The following TMEM41A variants were observed in gnomAD, a reference collection of about 807,000 sequenced individuals.
TMEM41A encodes the protein transmembrane protein 41A.
In TMEM41A, 20 loss-of-function variants were observed where a neutral mutation model predicts 25.7. That is an observed-to-expected ratio of 0.78 (90% confidence interval 0.55 to 1.13). The LOEUF (loss-of-function observed/expected upper bound fraction) is 1.13, where lower values mean the gene tolerates loss of function less well. Ranked by LOEUF, TMEM41A falls within the 50% of genes most tolerant of loss-of-function variation. The pLI is 0.00. For missense variants in TMEM41A, 299 were observed against 314.3 expected, an observed-to-expected ratio of 0.95 and a Z score of 0.37; for synonymous variants, 133 against 139.6, an observed-to-expected ratio of 0.95 and a Z score of 0.33.
chr3:185,491,826 T>A, intron 4 of TMEM41A, 69 bp from the exon 5 acceptor site: 1 of 1,223,458 alleles, frequency 8.2e-7, no homozygotes, highest in Non-Finnish European at 1.1e-6. Flanking sequence ...TAATTCAGAA[T>A]GTCACCAGGA....
intron 2 of TMEM41A, chr3:185,496,577 C>T: frequency 1.8e-6 from 1 of 541,688 alleles, no homozygotes; most frequent in Non-Finnish European, 3.3e-6. Context: ...ACTGTTTGAG[C>T]AGGTCCAGCC....
At position 185,494,625 on chromosome 3, in the gene TMEM41A, A is replaced by G; in HGVS notation, c.572T>C (p.Ile191Thr). ...AACCTACCCCACTAGCATCTTACCG[A>G]TAAGAACTGAGAAGAAGAACTGCAC... ...PIVQFFFSVL[I>T]GLIPYNFICV... Residue 191 changes from isoleucine (I) to threonine (T), a missense_variant and splice_region_variant, in exon 4 of 5, where the codon ATC (isoleucine) becomes ACC (threonine). By Grantham distance (89) the Ile-to-Thr change is moderately conservative. Coordinates refer to ENST00000421852, the MANE Select transcript of TMEM41A (RefSeq NM_080652.4). The G allele has an allele frequency of 1.3e-6, 2 of 1,597,656 alleles. No individual in the cohort carries two copies. The highest frequency in any genetic ancestry group is 1.4e-5 in the African/African-American group (1 of 73,984).
chr3:185,498,824 C>G lies in TMEM41A; in HGVS notation c.119+19G>C, dbSNP rs1446173319. 6.4e-7 allele frequency: 1 copy of G among 1,566,942 alleles called. No homozygotes were observed. Among genetic ancestry groups the G allele is most frequent in the African/African-American group, 1.4e-5 (1 of 71,630 alleles). On this transcript the variant is annotated intron_variant, in intron 1 of 4. Transcript: ENST00000421852. ...CCGGCTCCCTTCCTCTGACCCGAAC[C>G]CGGATTCCCGCCACGCACCTGCCTC...
rs551634374 is a variant in TMEM41A at position 185,494,675 on chromosome 3, C to T, written c.522G>A (p.Ser174=). Residue 174 remains serine, a synonymous_variant, in exon 4 of 5, where the codon TCG becomes TCA. Coordinates refer to ENST00000421852, the MANE Select transcript of TMEM41A (RefSeq NM_080652.4). ...CGATGGGAATGTTCAGAATTGGGGCCGAGAGGTTCAAGAACCAGTTTGGTG... is the reference window on the plus strand; with the variant it reads ...CGATGGGAATGTTCAGAATTGGGGCTGAGAGGTTCAAGAACCAGTTTGGTG... ...PMTPNWFLNL[S]APILNIPIVQ... is the part of the protein sequence containing the mutation. The T allele has an allele frequency of 9.7e-5, 156 of 1,611,904 alleles. 2 individuals carry two copies. The South Asian group carries it at 1.1e-3, about 12-fold the overall frequency.
chr3:185,495,302 C>G lies in TMEM41A; in HGVS notation c.287G>C (p.Gly96Ala). Residue 96 changes from glycine to alanine, a missense_variant, in exon 3 of 5, where the codon GGT becomes GCT. Coordinates refer to ENST00000421852, the MANE Select transcript of TMEM41A (RefSeq NM_080652.4). The part of the protein sequence containing the change: ...PGSSFLNVLA[G>A]ALFGPWLGLL... Reference sequence around the variant, plus strand: ...CCCCAGCCATGGCCCAAACAAGGCACCAGCTAAAACATTCTGCAAATAAAA... The same window carrying G: ...CCCCAGCCATGGCCCAAACAAGGCAGCAGCTAAAACATTCTGCAAATAAAA... 4 of 1,613,664 alleles carry G rather than the reference C, an allele frequency of 2.5e-6. No homozygotes were observed. The highest frequency in any genetic ancestry group is 3.4e-6 in the Non-Finnish European group (4 of 1,179,966).
At chr3:185,494,046 T>C (rs1719031533) in intron 4 of TMEM41A, 1 of 152,224 alleles carries the variant, frequency 6.6e-6, no homozygotes, top group African/African-American at 2.4e-5. Context: ...AACAATCTGA[T>C]GAAGGTGGCC....
intron 4 of TMEM41A, chr3:185,492,527 C>T (rs552893973): frequency 6.6e-6 from 1 of 152,320 alleles, no homozygotes; most frequent in Admixed American, 6.5e-5. Flanking sequence ...ACATTCTGTA[C>T]TGTCTCAAAG....
chr3:185,494,770 A>C lies in TMEM41A; in HGVS notation c.436-9T>G. The C allele has an allele frequency of 1.3e-6, 2 of 1,594,964 alleles. No individual in the cohort carries two copies. Among genetic ancestry groups the C allele is most frequent in the Non-Finnish European group, 1.7e-6 (2 of 1,173,442 alleles). ...TTTCTGTTCTCCTCCACCTGTAGCC[A>C]AAGAGAAGAAAGCTGTTAAGAAGCA... On this transcript the variant is annotated splice_polypyrimidine_tract_variant and intron_variant, in intron 3 of 4. Transcript: ENST00000421852.
chr3:185,495,440 G>A (rs78908683), intron 2 of TMEM41A, 125 bp from the exon 3 acceptor site: 47 of 856,200 alleles, frequency 5.5e-5, no homozygotes, highest in Admixed American at 3.3e-4. Context: ...ACCCAATTGC[G>A]TTATTTATTT....
chr3:185,499,014 G>T lies in TMEM41A; in HGVS notation c.-53C>A, dbSNP rs894103538. ...CAGCCGAGAAGCTCACTTGCACTCC[G>T]GGACGCAGCGGCGGGCGGACTGAGC... On this transcript the variant is annotated 5_prime_UTR_variant, in exon 1 of 5. Coordinates refer to ENST00000421852, the MANE Select transcript of TMEM41A (RefSeq NM_080652.4). 2.7e-6 allele frequency: 4 copies of T among 1,483,878 alleles called. No homozygotes were observed. In the Admixed American group the frequency reaches 7.8e-5, roughly 29 times the overall value. The allele number at this position is 1,483,878 out of a possible 1,614,324, so 91.9% of individuals were successfully genotyped here.
chr3:185,496,834 G>A lies in TMEM41A; in HGVS notation c.267C>T (p.Ser89=). ...YKQGFAIPGS[S]FLNVLAGALF... is the part of the protein sequence containing the mutation. ...GGGAGGGCAGGACACTGACCAGGAA[G>A]CTGGAGCCGGGGATGGCAAAGCCCT... The change falls in exon 2 of 5, where the codon AGC becomes AGT. Residue 89 remains serine, a synonymous_variant. Coordinates refer to ENST00000421852, the MANE Select transcript of TMEM41A (RefSeq NM_080652.4). 1 of 1,606,252 alleles carries A rather than the reference G, an allele frequency of 6.2e-7. No homozygotes were observed. Among genetic ancestry groups the A allele is most frequent in the Non-Finnish European group, 8.5e-7 (1 of 1,177,558 alleles).
At chr3:185,493,541 T>G (rs1368109765) in intron 4 of TMEM41A, 2 of 152,064 alleles carry the variant, frequency 1.3e-5, no homozygotes, top group Non-Finnish European at 1.5e-5. Context: ...TTTGTTTTTG[T>G]TTTTTTGCTT....
At chr3:185,495,617 T>C in intron 2 of TMEM41A, 1 of 350,850 alleles carries the variant, frequency 2.9e-6, no homozygotes, top group Admixed American at 3.9e-5. Context: ...CTTTTTAAAA[T>C]TTTTTGTGGA....
In TMEM41A at chr3:185,497,121, A is replaced by G. The variant is rs567671863; in HGVS notation, c.120-140T>C. On this transcript the variant is annotated intron_variant, in intron 1 of 4. Coordinates refer to ENST00000421852, the MANE Select transcript of TMEM41A (RefSeq NM_080652.4). ...TCTGCTGGGAACACATACACTCCCA[A>G]TGACAGATGACCTGATACGACGTTG... is the stretch of plus-strand genomic sequence containing the variant. 1.5e-4 allele frequency: 163 copies of G among 1,107,090 alleles called. 2 individuals carry two copies. The South Asian group carries it at 2.1e-3, about 14-fold the overall frequency. The allele number at this position is 1,107,090 out of a possible 1,614,324, so 68.6% of individuals were successfully genotyped here.
Position 185,491,332 on chromosome 3 carries a change from T to C in TMEM41A, c.*205A>G, listed in dbSNP as rs1262847317. ...TTTCTAGGAGGCATCTGTTGCAGTG[T>C]CTGCTACACCAGGGCTGGTTTGAAA... On this transcript the variant is annotated 3_prime_UTR_variant, in exon 5 of 5. Coordinates refer to ENST00000421852, the MANE Select transcript of TMEM41A (RefSeq NM_080652.4). 5 of 506,906 alleles carry C rather than the reference T, an allele frequency of 9.9e-6. No individual in the cohort carries two copies. Among genetic ancestry groups the C allele is most frequent in the African/African-American group, 1.9e-5 (1 of 51,792 alleles). 31.4% of individuals were successfully genotyped at this position (506,906 alleles called of 1,614,324 possible).
At chr3:185,495,119 G>A (rs1719063722) in intron 3 of TMEM41A, 35 bp downstream of exon 3, 5 of 1,609,902 alleles carry the variant, frequency 3.1e-6, no homozygotes, top group Admixed American at 3.3e-5. Context: ...CGACTGTCTG[G>A]GGTCCCAGCT....
chr3:185,494,933 C>A, intron 3 of TMEM41A, 172 bp from the exon 4 acceptor site: 1 of 993,548 alleles, frequency 1.0e-6, no homozygotes, highest in Non-Finnish European at 1.5e-6. Flanking sequence ...TGCTGAGGAT[C>A]AGAGAAGTCA....
At position 185,491,340 on chromosome 3, in the gene TMEM41A, A is replaced by T; in HGVS notation, c.*197T>A. The T allele has an allele frequency of 1.9e-6, 1 of 534,142 alleles. No individual in the cohort carries two copies. Among genetic ancestry groups the T allele is most frequent in the Non-Finnish European group, 3.4e-6 (1 of 297,182 alleles). 33.1% of individuals were successfully genotyped at this position (534,142 alleles called of 1,614,324 possible). A position where few individuals can be genotyped will look rare whatever the true frequency, so the allele number is the denominator to read the frequency against. ...AGGCATCTGTTGCAGTGTCTGCTACACCAGGGCTGGTTTGAAAACCTGATG... is the reference window on the plus strand; with the variant it reads ...AGGCATCTGTTGCAGTGTCTGCTACTCCAGGGCTGGTTTGAAAACCTGATG... On this transcript the variant is annotated 3_prime_UTR_variant, in exon 5 of 5. Coordinates refer to ENST00000421852, the MANE Select transcript of TMEM41A (RefSeq NM_080652.4).
chr3:185,494,632 C>T lies in TMEM41A; in HGVS notation c.565G>A (p.Val189Ile), dbSNP rs764566101. 6.2e-7 allele frequency: 1 copy of T among 1,605,000 alleles called. No individual in the cohort carries two copies. The highest frequency in any genetic ancestry group is 8.5e-7 in the Non-Finnish European group (1 of 1,176,710). The change falls in exon 4 of 5, where the codon GTT (valine) becomes ATT (isoleucine). Residue 189 changes from valine to isoleucine, a missense_variant. By Grantham distance (29) the Val-to-Ile change is conservative. Coordinates refer to ENST00000421852, the MANE Select transcript of TMEM41A (RefSeq NM_080652.4). ...NIPIVQFFFS[V>I]LIGLIPYNFI... ...CCCACTAGCATCTTACCGATAAGAA[C>T]TGAGAAGAAGAACTGCACGATGGGA...
Sources: gnomAD v4.1 joint callset for allele counts on GRCh38, gnomAD v4.1.1 for gene constraint, MANE v1.5 for transcripts, NCBI Gene and HGNC (gene_info 2026-07-23, HGNC 2026-07-21) for gene names.